The following TTLL9 variants were observed in gnomAD, a reference collection of about 807,000 sequenced individuals.
TTLL9 encodes tubulin tyrosine ligase like 9, also known as probable tubulin polyglutamylase TTLL9.
In TTLL9, 47 loss-of-function variants were observed where a neutral mutation model predicts 65.6. That is an observed-to-expected ratio of 0.72 (90% CI 0.57 to 0.91). TTLL9 has a LOEUF of 0.91. TTLL9 is among the 40% of genes least tolerant of loss of function. The pLI is 0.00. For missense variants in TTLL9, 537 were observed against 568.8 expected (o/e 0.94, Z 0.57); for synonymous variants, 179 against 204.8 (o/e 0.87, Z 1.07).
At chr20:31,908,771 C>A in intron 5 of TTLL9, 69 bp downstream of exon 5, 1 of 1,230,350 alleles carries the variant, frequency 8.1e-7, no homozygotes, top group Non-Finnish European at 1.2e-6. Flanking sequence ...TGAGCTGGAG[C>A]TGGTACAAGG....
intron 2 of TTLL9, among the ~76,000 whole-genome samples, chr20:31,883,860 TTC>T (rs2063151968): frequency 1.3e-5 from 2 of 152,294 alleles, no homozygotes; most frequent in East Asian, 3.9e-4. Context: ...AGAGAATGCA[TTC>T]CTCTTGTGAT....
chr20:31,878,809 TTG>T (rs1275964499), intron 2 of TTLL9, among the ~76,000 whole-genome samples: 1 of 152,208 alleles, frequency 6.6e-6, no homozygotes, highest in Admixed American at 6.5e-5. Flanking sequence ...AATGATAACT[TTG>T]TCTCTTTCTT....
rs1217920382 is a variant in TTLL9 at position 31,926,110 on chromosome 20, C to T, written c.748+19C>T. On this transcript the variant is annotated intron_variant, in intron 10 of 14. Transcript: ENST00000535842. ...AGACAGGGTATGAGATAGGTCTGGT[C>T]CCTTCCCTCCGGGAGCTTCCAGTTT... 10 of 1,555,160 alleles carry T rather than the reference C, an allele frequency of 6.4e-6. No homozygotes were observed. The highest frequency in any genetic ancestry group is 1.7e-5 in the Admixed American group (1 of 59,822).
intron 10 of TTLL9, among the ~76,000 whole-genome samples, chr20:31,927,480 C>CAAAAAAAAA (rs777895091): frequency 1.1e-4 from 6 of 54,190 alleles, no homozygotes; most frequent in Non-Finnish European, 1.3e-4. Flanking sequence ...GACTCTGTCT[C>CAAAAAAAAA]AAAAAAAAAA....
intron 2 of TTLL9, 76 bp downstream of exon 2, chr20:31,871,271 G>C: frequency 5.3e-6 from 8 of 1,513,362 alleles, no homozygotes; most frequent in Non-Finnish European, 7.3e-6. Flanking sequence ...AATAGCTAGA[G>C]GTCAGGGTCC....
At chr20:31,925,843 T>C in intron 9 of TTLL9, 1 of 1,333,126 alleles carries the variant, frequency 7.5e-7, no homozygotes. Flanking sequence ...CCCTTTCCCT[T>C]CTCTCTCTCT....
chr20:31,873,851 A>G (rs544603484), intron 2 of TTLL9, among the ~76,000 whole-genome samples: 1 of 150,004 alleles, frequency 6.7e-6, no homozygotes, highest in East Asian at 2.0e-4. Flanking sequence ...AAAGAAAGAA[A>G]GAAAGAAAGA....
In TTLL9 at chr20:31,919,056, A is replaced by G. The variant is rs1415161785; in HGVS notation, c.505-808A>G. ...GAAATGAGAGTTGCAGTTATGCTGGAGGTAAGATGACTTGGGAGATCTGCT... is the reference window on the plus strand; with the variant it reads ...GAAATGAGAGTTGCAGTTATGCTGGGGGTAAGATGACTTGGGAGATCTGCT... On this transcript the variant is annotated intron_variant, in intron 6 of 14. Transcript: ENST00000535842. Among the ~76,000 whole-genome samples the G allele has an allele frequency of 2.0e-5, 3 of 152,168 alleles. No homozygotes were observed. In the East Asian group the frequency reaches 5.8e-4, roughly 29 times the overall value.
intron 10 of TTLL9, among the ~76,000 whole-genome samples, chr20:31,933,582 T>C (rs1296062373): frequency 1.3e-5 from 2 of 152,000 alleles, no homozygotes; most frequent in Non-Finnish European, 2.9e-5. Context: ...GGTGGGGAAA[T>C]AGGCCCAGGG....
rs573024205 is a variant in TTLL9 at position 31,906,209 on chromosome 20, C to G, written c.207-2382C>G. On this transcript the variant is annotated intron_variant, in intron 4 of 14. Transcript: ENST00000535842. ...GGGGCTCCTGAGTCAGGGACTCTTA[C>G]AGGACACAGTGGGACTGGCTTGTCT... is the stretch of plus-strand genomic sequence containing the variant. Among the ~76,000 whole-genome samples the G allele has an allele frequency of 5.1e-4, 77 of 152,306 alleles. No individual in the cohort carries two copies. In the South Asian group the frequency reaches 0.016, roughly 31 times the overall value.
chr20:31,890,352 GTTA>G lies in TTLL9; in HGVS notation c.113+3117_113+3119del, dbSNP rs1337187690. 2.0e-5 allele frequency among the ~76,000 whole-genome samples: 3 copies of G among 151,752 alleles called. No individual in the cohort carries two copies. In the East Asian group the frequency reaches 5.8e-4, roughly 29 times the overall value. ...CAAGTTATGTAAGTGTTGTTGTACT[GTTA>G]TTACTATTCTGCACCCTGCTTTTGT... On this transcript the variant is annotated intron_variant, in intron 3 of 14. Transcript: ENST00000535842.
intron 2 of TTLL9, among the ~76,000 whole-genome samples, chr20:31,882,229 T>A (rs2063128432): frequency 6.6e-6 from 1 of 152,170 alleles, no homozygotes; most frequent in South Asian, 2.1e-4. Flanking sequence ...AGCTCTGAGT[T>A]GTGCTGGGAA....
rs1254302419 is a variant in TTLL9 at position 31,873,784 on chromosome 20, AAAAG to A, written c.69+2598_69+2601del. On this transcript the variant is annotated intron_variant, in intron 2 of 14. Coordinates refer to ENST00000535842, the MANE Select transcript of TTLL9 (RefSeq NM_001008409.5). Reference sequence around the variant, plus strand: ...AGAAAGAAAGAGAAAGAAAGAAAGAAAAAGAAAGAAAGGAAGGAAGGAAGGAAGG... The same window carrying A: ...AGAAAGAAAGAGAAAGAAAGAAAGAAAAAGAAAGGAAGGAAGGAAGGAAGG... 5.6e-4 allele frequency among the ~76,000 whole-genome samples: 84 copies of A among 149,342 alleles called. 1 individual carries two copies. Among genetic ancestry groups the A allele is most frequent in the Admixed American group, 1.1e-3 (17 of 14,958 alleles).
At chr20:31,923,694 C>T (rs576613012) in intron 8 of TTLL9, among the ~76,000 whole-genome samples, 3 of 152,304 alleles carry the variant, frequency 2.0e-5, no homozygotes, top group South Asian at 4.1e-4. Flanking sequence ...TTTTCTCACT[C>T]GGGCTCTGGG....
chr20:31,875,231 G>GA (rs761103556), intron 2 of TTLL9, among the ~76,000 whole-genome samples: 20 of 151,398 alleles, frequency 1.3e-4, no homozygotes, highest in South Asian at 4.2e-4. Flanking sequence ...AAATAGGGAG[G>GA]AAAAAAAACC....
Position 31,870,647 on chromosome 20 carries a change from CACGGCCCGCGGGACA to C in TTLL9, c.-302_-288del. On this transcript the variant is annotated 5_prime_UTR_variant, in exon 1 of 15. Coordinates refer to ENST00000535842, the MANE Select transcript of TTLL9 (RefSeq NM_001008409.5). The surrounding 1 kb of genome is among the most constrained non-coding windows in gnomAD (Gnocchi z 6.6). ...GGACAAAGCCCCAGTGTGCCGGGCC[CACGGCCCGCGGGACA>C]ACGGCAGTTTGTTGGGGCCGCGTGG... 7.8e-7 allele frequency: 1 copy of C among 1,289,426 alleles called. No homozygotes were observed. The highest frequency in any genetic ancestry group is 2.4e-5 in the South Asian group (1 of 41,544). 79.9% of individuals were successfully genotyped at this position (1,289,426 alleles called of 1,614,324 possible).
At chr20:31,910,705 A>C (rs929337357) in intron 6 of TTLL9, among the ~76,000 whole-genome samples, 3 of 152,236 alleles carry the variant, frequency 2.0e-5, no homozygotes, top group Non-Finnish European at 4.4e-5. Context: ...TAAAGCACAT[A>C]GTAAGTACTC....
At chr20:31,937,543 TACATG>T in intron 13 of TTLL9, 34 bp downstream of exon 13, 1 of 1,552,566 alleles carries the variant, frequency 6.4e-7, no homozygotes, top group Middle Eastern at 1.7e-4. Flanking sequence ...CATGTCCTTG[TACATG>T]ACAACTGAGG....
intron 2 of TTLL9, chr20:31,873,119 T>C: frequency 2.2e-6 from 1 of 450,714 alleles, no homozygotes; most frequent in South Asian, 1.6e-5. Context: ...CATATATGAA[T>C]ATTTTCACAG....
Sources: allele counts gnomAD v4.1 joint callset (sites outside exome capture counted in the v4.1 genomes callset), GRCh38; gene constraint gnomAD v4.1.1; non-coding constraint Gnocchi (gnomAD v3.1); transcripts MANE v1.5; gene names NCBI Gene and HGNC (gene_info 2026-07-23, HGNC 2026-07-21).